The following CDYL2 variants were observed in gnomAD, a reference collection of about 807,000 sequenced individuals.
The protein encoded by CDYL2 is chromodomain Y like 2.
Under a neutral mutation model 49.4 loss-of-function variants are expected in CDYL2, and 23 were observed. That is an observed-to-expected ratio of 0.47 (90% CI 0.34 to 0.66). The LOEUF (loss-of-function observed/expected upper bound fraction) is 0.66, where lower values mean the gene tolerates loss of function less well. Ranked by LOEUF, CDYL2 falls within the 30% of genes least tolerant of loss-of-function variation. The pLI is 0.01. For missense variants in CDYL2, 678 were observed against 656.4 expected (o/e 1.03, Z -0.36); for synonymous variants, 360 against 268.8 (o/e 1.34, Z -3.32).
chr16:80,769,183 G>C (rs913264759), intron 1 of CDYL2, among the ~76,000 whole-genome samples: 1 of 152,174 alleles, frequency 6.6e-6, no homozygotes, highest in Non-Finnish European at 1.5e-5. Context: ...AGAAATGGAG[G>C]AATTTCAGTG....
chr16:80,780,656 C>T lies in CDYL2; in HGVS notation c.24+23494G>A, dbSNP rs143957084. 3.0e-3 allele frequency among the ~76,000 whole-genome samples: 459 copies of T among 152,164 alleles called. 1 individual carries two copies. Among genetic ancestry groups the T allele is most frequent in the African/African-American group, 0.01 (428 of 41,526 alleles). ...TCCTGACCTCATGATCCACCTGCTT[C>T]GGCCTCCCAAAGTGCTGGATTACAG... is the stretch of plus-strand genomic sequence containing the variant. On this transcript the variant is annotated intron_variant, in intron 1 of 6. Transcript: ENST00000570137.
chr16:80,667,016 G>C (rs976695794), intron 2 of CDYL2, among the ~76,000 whole-genome samples: 1 of 152,164 alleles, frequency 6.6e-6, no homozygotes, highest in Non-Finnish European at 1.5e-5. Flanking sequence ...ACAAACCGAG[G>C]TCAGTGCTGT....
intron 1 of CDYL2, among the ~76,000 whole-genome samples, chr16:80,768,403 A>G (rs761756500): frequency 2.0e-5 from 3 of 152,206 alleles, no homozygotes; most frequent in Non-Finnish European, 4.4e-5. Context: ...TCAGGCTGCT[A>G]TAACAAAATA....
intron 3 of CDYL2, among the ~76,000 whole-genome samples, chr16:80,624,076 C>T (rs544243098): frequency 3.3e-5 from 5 of 152,180 alleles, no homozygotes; most frequent in Non-Finnish European, 7.3e-5. Context: ...GCATACTCCC[C>T]GACTCCTTCC....
chr16:80,790,266 G>A (rs1907568184), intron 1 of CDYL2, among the ~76,000 whole-genome samples: 1 of 152,116 alleles, frequency 6.6e-6, no homozygotes, highest in South Asian at 2.1e-4. Context: ...CATAGACGTG[G>A]CTACACAAAT....
chr16:80,768,207 C>A (rs1023120627), intron 1 of CDYL2, among the ~76,000 whole-genome samples: 32 of 152,184 alleles, frequency 2.1e-4, no homozygotes, highest in African/African-American at 7.5e-4. Flanking sequence ...ACAGAACATA[C>A]TAGAGATCCT....
chr16:80,786,919 G>A (rs984343535), intron 1 of CDYL2, among the ~76,000 whole-genome samples: 1 of 152,046 alleles, frequency 6.6e-6, no homozygotes, highest in African/African-American at 2.4e-5. Context: ...AGGGCCTGTG[G>A]GGGGTGGGGG....
chr16:80,631,618 CAGAAT>C, intron 3 of CDYL2, among the ~76,000 whole-genome samples: 1 of 152,272 alleles, frequency 6.6e-6, no homozygotes, highest in Middle Eastern at 3.4e-3. Flanking sequence ...CATCAACTCT[CAGAAT>C]AGGAGAACAT....
chr16:80,779,291 A>G (rs543149298), intron 1 of CDYL2, among the ~76,000 whole-genome samples: 82 of 152,228 alleles, frequency 5.4e-4, no homozygotes, highest in African/African-American at 1.9e-3. Context: ...AAACCCATTA[A>G]TGGTTTTAAA....
chr16:80,787,032 A>G (rs777644467), intron 1 of CDYL2, among the ~76,000 whole-genome samples: 37 of 152,160 alleles, frequency 2.4e-4, no homozygotes, highest in Non-Finnish European at 4.4e-4. Context: ...ACAAAACTGC[A>G]TATTCTGCAC....
intron 3 of CDYL2, chr16:80,632,610 T>C (rs1033352440): frequency 4.8e-6 from 1 of 208,972 alleles, no homozygotes; most frequent in African/African-American, 2.2e-5. Flanking sequence ...TGTAGTAACA[T>C]ATATATGTAT....
intron 2 of CDYL2, among the ~76,000 whole-genome samples, chr16:80,641,055 G>A (rs1394459700): frequency 6.6e-6 from 1 of 152,150 alleles, no homozygotes. Flanking sequence ...GATAATAACA[G>A]AGAACTTCCC....
At chr16:80,615,198 G>C (rs910582559) in intron 4 of CDYL2, among the ~76,000 whole-genome samples, 2 of 152,188 alleles carry the variant, frequency 1.3e-5, no homozygotes, top group African/African-American at 2.4e-5. Context: ...TGGTATTCCA[G>C]TGGCCCATCT....
intron 5 of CDYL2, among the ~76,000 whole-genome samples, chr16:80,610,298 G>A (rs1278486100): frequency 2.6e-5 from 4 of 152,208 alleles, no homozygotes; most frequent in Non-Finnish European, 5.9e-5. Flanking sequence ...TTCCACAGGT[G>A]CTTGCCTAGG....
chr16:80,658,487 G>C (rs1224929413), intron 2 of CDYL2, among the ~76,000 whole-genome samples: 1 of 152,036 alleles, frequency 6.6e-6, no homozygotes, highest in African/African-American at 2.4e-5. Context: ...GGTAAGAATG[G>C]AGCAATTCTA....
chr16:80,790,449 G>C (rs1038144894), intron 1 of CDYL2, among the ~76,000 whole-genome samples: 1 of 152,134 alleles, frequency 6.6e-6, no homozygotes, highest in Non-Finnish European at 1.5e-5. Context: ...ATATATTTTT[G>C]CATCCTAAAG....
intron 2 of CDYL2, among the ~76,000 whole-genome samples, chr16:80,647,037 A>C (rs1230589452): frequency 2.6e-5 from 4 of 152,204 alleles, no homozygotes; most frequent in Admixed American, 6.5e-5. Context: ...AAATACACAA[A>C]AATCAATAGC....
intron 1 of CDYL2, among the ~76,000 whole-genome samples, chr16:80,779,109 G>A (rs1485973706): frequency 6.6e-6 from 1 of 151,970 alleles, no homozygotes; most frequent in African/African-American, 2.4e-5. Context: ...AAAGAAGGAA[G>A]GAAGGAGGAA....
intron 1 of CDYL2, among the ~76,000 whole-genome samples, chr16:80,695,883 C>G (rs896378417): frequency 3.9e-5 from 6 of 152,146 alleles, no homozygotes; most frequent in African/African-American, 4.8e-5. Context: ...CTTTAACCTC[C>G]ACTACAGACC....
Sources: gnomAD v4.1 joint callset for allele counts (sites outside exome capture counted in the v4.1 genomes callset) on GRCh38, gnomAD v4.1.1 for gene constraint, MANE v1.5 for transcripts, NCBI Gene and HGNC (gene_info 2026-07-23, HGNC 2026-07-21) for gene names.